Variants in CENPM observed in about 807,000 individuals in gnomAD.
CENPM encodes centromere protein M.
In CENPM, 14 loss-of-function variants were observed where a neutral mutation model predicts 19.6. That is an observed-to-expected ratio of 0.71 (90% CI 0.47 to 1.11). The LOEUF is 1.11. Among genes scored for constraint, CENPM ranks in the 50% most tolerant of loss-of-function variants. CENPM has a pLI of 0.00. For missense variants in CENPM, 239 were observed against 228.4 expected (o/e 1.05, Z -0.30); for synonymous variants, 114 against 101.5 (o/e 1.12, Z -0.74).
chr22:41,929,274 T>G, the CENPM span, among the ~76,000 whole-genome samples: 2 of 152,088 alleles, frequency 1.3e-5, no homozygotes, highest in Non-Finnish European at 2.9e-5. Context: ...TACACGTCCA[T>G]CCATGTTGGT....
chr22:41,930,072 T>C, the CENPM span, among the ~76,000 whole-genome samples: 1 of 149,348 alleles, frequency 6.7e-6, no homozygotes, highest in Non-Finnish European at 1.5e-5. Context: ...GCCTCCCGAG[T>C]AGCTGGGACT....
At chr22:41,936,027 TGCTCG>T (rs1203479611), downstream of CENPM, among the ~76,000 whole-genome samples, 1 of 152,168 alleles carries the variant, frequency 6.6e-6, no homozygotes, top group Non-Finnish European at 1.5e-5. Context: ...CATGGCACCA[TGCTCG>T]GCTAATTTTG....
chr22:41,946,320 A>C, intron 2 of CENPM, 97 bp downstream of exon 2: 1 of 1,045,146 alleles, frequency 9.6e-7, no homozygotes, highest in Non-Finnish European at 1.4e-6. Context: ...GACCAGCCTC[A>C]GAGGAGGGGG....
chr22:41,928,112 T>G, the CENPM span: 1 of 370,524 alleles, frequency 2.7e-6, no homozygotes. This position sits in a 1 kb window ranked among gnomAD's most constrained non-coding sequence, Gnocchi z 4.0. Context: ...GCTTGGACTG[T>G]GGCTGGGGGA....
rs755818971 is a variant in CENPM, at chr22:41,947,120, C to T, written c.-44G>A. On this transcript the variant is annotated 5_prime_UTR_variant, in exon 1 of 6. Coordinates refer to ENST00000215980, the MANE Select transcript of CENPM (RefSeq NM_024053.5). Reference sequence around the variant, plus strand: ...CGTTGCTCCTGCGGTGCGCGCCGATCTTTCAAACCGCCCTGAGTCCAGCCC... The same window carrying T: ...CGTTGCTCCTGCGGTGCGCGCCGATTTTTCAAACCGCCCTGAGTCCAGCCC... 6.3e-7 allele frequency: 1 copy of T among 1,598,212 alleles called. No individual in the cohort carries two copies. The highest frequency in any genetic ancestry group is 2.2e-5 in the East Asian group (1 of 44,592).
At chr22:41,940,784 A>G (rs1002797180) in intron 5 of CENPM, among the ~76,000 whole-genome samples, 3 of 152,064 alleles carry the variant, frequency 2.0e-5, no homozygotes, top group African/African-American at 7.2e-5. Flanking sequence ...TAAGTCCTCT[A>G]AGTTTGGTGG....
chr22:41,938,727 A>C, downstream of CENPM: 1 of 247,576 alleles, frequency 4.0e-6, no homozygotes. Flanking sequence ...AAAGTGGTGA[A>C]TGAGACCAGT....
chr22:41,933,661 C>A, the CENPM span, among the ~76,000 whole-genome samples: 1 of 152,064 alleles, frequency 6.6e-6, no homozygotes, highest in Non-Finnish European at 1.5e-5. Flanking sequence ...GGCAGCCCAC[C>A]CCACTGTCTC....
chr22:41,938,538 G>A (rs1406599809), downstream of CENPM, among the ~76,000 whole-genome samples: 1 of 151,672 alleles, frequency 6.6e-6, no homozygotes, highest in African/African-American at 2.4e-5. Context: ...GCTAATTTTT[G>A]TATTTTTGTA....
chr22:41,942,058 T>C (rs1050342147), intron 5 of CENPM, among the ~76,000 whole-genome samples: 1 of 152,198 alleles, frequency 6.6e-6, no homozygotes, highest in Non-Finnish European at 1.5e-5. Context: ...TGGTCACAGA[T>C]CATGTGCTGA....
rs2077798993 is a variant in CENPM, at chr22:41,946,145, C to G, written c.138-140G>C. On this transcript the variant is annotated intron_variant, in intron 2 of 5. Coordinates refer to ENST00000215980, the MANE Select transcript of CENPM (RefSeq NM_024053.5). ...CCACCCGAGGCTCTTGTGGCCACGACTCCTTGGGCCAGCACAGAGGCAGGA... is the reference window on the plus strand; with the variant it reads ...CCACCCGAGGCTCTTGTGGCCACGAGTCCTTGGGCCAGCACAGAGGCAGGA... 7.9e-6 allele frequency: 6 copies of G among 754,904 alleles called. No homozygotes were observed. In the East Asian group the frequency reaches 1.3e-4, roughly 17 times the overall value. 46.8% of individuals were successfully genotyped at this position (754,904 alleles called of 1,614,324 possible).
the CENPM span, among the ~76,000 whole-genome samples, chr22:41,929,292 T>C: frequency 6.6e-6 from 1 of 152,118 alleles, no homozygotes; most frequent in Non-Finnish European, 1.5e-5. Flanking sequence ...GGTGCTGGTA[T>C]TACCCATTAG....
intron 4 of CENPM, chr22:41,944,838 A>C: frequency 9.7e-7 from 1 of 1,027,788 alleles, no homozygotes; most frequent in Non-Finnish European, 1.2e-6. Flanking sequence ...GGCAACTCCA[A>C]GTAATGGCAG....
chr22:41,942,953 C>T (rs1212732896), intron 5 of CENPM, among the ~76,000 whole-genome samples: 3 of 151,824 alleles, frequency 2.0e-5, no homozygotes, highest in Admixed American at 6.6e-5. Context: ...ACGACAACAA[C>T]AACAACAACA....
At chr22:41,935,253 C>G (rs188477784), downstream of CENPM, among the ~76,000 whole-genome samples, 495 of 152,210 alleles carry the variant, frequency 3.3e-3, 6 homozygotes, top group African/African-American at 0.011. Flanking sequence ...GGCACAGGGA[C>G]CTGAGAGAGG....
the CENPM span, among the ~76,000 whole-genome samples, chr22:41,932,876 G>A: frequency 6.6e-6 from 1 of 152,228 alleles, no homozygotes; most frequent in Non-Finnish European, 1.5e-5. The surrounding 1 kb of genome is among the most constrained non-coding windows in gnomAD (Gnocchi z 4.3). Flanking sequence ...CCCGTCACTC[G>A]CCACTCACTC....
intron 5 of CENPM, among the ~76,000 whole-genome samples, chr22:41,942,128 G>C (rs1185969086): frequency 6.6e-6 from 1 of 152,210 alleles, no homozygotes; most frequent in East Asian, 1.9e-4. Flanking sequence ...ACCCAGAACA[G>C]AGCAGAAACA....
downstream of CENPM, among the ~76,000 whole-genome samples, chr22:41,935,134 G>A (rs1569424145): frequency 6.6e-6 from 1 of 152,226 alleles, no homozygotes; most frequent in South Asian, 2.1e-4. Flanking sequence ...GGGAGCTGGC[G>A]GCAGTGACAG....
intron 1 of CENPM, 147 bp from the exon 2 acceptor site, chr22:41,946,643 C>A (rs2077807527): frequency 5.9e-6 from 4 of 676,526 alleles, no homozygotes; most frequent in Admixed American, 2.7e-5. Flanking sequence ...CCCCGCGAAG[C>A]GGCACGGGCT....
Sources: allele counts gnomAD v4.1 joint callset (sites outside exome capture counted in the v4.1 genomes callset), GRCh38; gene constraint gnomAD v4.1.1; non-coding constraint Gnocchi (gnomAD v3.1); transcripts MANE v1.5; gene names NCBI Gene and HGNC (gene_info 2026-07-23, HGNC 2026-07-21).